Variants in ARHGAP24 observed in about 807,000 individuals in gnomAD.
The protein encoded by ARHGAP24 is rho GTPase-activating protein 24.
Under a neutral mutation model 76.4 loss-of-function variants are expected in ARHGAP24, and 50 were observed. The ratio of observed to expected loss-of-function variants is 0.65; its 90% confidence interval spans 0.52 to 0.83. The LOEUF (loss-of-function observed/expected upper bound fraction) is 0.83. Among genes scored for constraint, ARHGAP24 ranks in the 40% least tolerant of loss-of-function variants. The probability of loss-of-function intolerance (pLI) is 0.00; values close to 1 mark genes in which losing one functional copy is unlikely to be tolerated. For synonymous variants in ARHGAP24, 345 were observed against 323.3 expected, an observed-to-expected ratio of 1.07 and a Z score of -0.72; for missense variants, 930 against 914.2, an observed-to-expected ratio of 1.02 and a Z score of -0.22.
At chr4:85,724,485 ATG>A (rs573537210) in intron 3 of ARHGAP24, among the ~76,000 whole-genome samples, 23,365 of 45,562 alleles carry the variant, frequency 0.51, 3,145 homozygotes, top group East Asian at 0.73. Context: ...TAATTTTTCC[ATG>A]TGTGTATATA....
intron 2 of ARHGAP24, among the ~76,000 whole-genome samples, chr4:85,653,125 A>ACAGT (rs1722007673): frequency 6.6e-6 from 1 of 152,224 alleles, no homozygotes; most frequent in Non-Finnish European, 1.5e-5. Flanking sequence ...AAAACAAGGT[A>ACAGT]CAGTCAGATA....
At chr4:85,521,908 TAGAA>T (rs1349219141) in intron 1 of ARHGAP24, among the ~76,000 whole-genome samples, 1 of 152,136 alleles carries the variant, frequency 6.6e-6, no homozygotes, top group Non-Finnish European at 1.5e-5. Context: ...GCTGGTATGT[TAGAA>T]AGAATTTCAG....
intron 2 of ARHGAP24, among the ~76,000 whole-genome samples, chr4:85,685,999 G>T (rs369141463): frequency 2.0e-5 from 3 of 151,440 alleles, no homozygotes; most frequent in South Asian, 4.1e-4. Flanking sequence ...TGGCACTTTG[G>T]TGCAGGCAGC....
At chr4:85,583,848 C>T (rs1425889991) in intron 2 of ARHGAP24, among the ~76,000 whole-genome samples, 9 of 148,152 alleles carry the variant, frequency 6.1e-5, no homozygotes, top group African/African-American at 1.2e-4. Context: ...AAAATGCTCA[C>T]CATCACTGGC....
At chr4:85,722,329 G>A in intron 3 of ARHGAP24, 9 of 174,354 alleles carry the variant, frequency 5.2e-5, no homozygotes, top group South Asian at 3.8e-4. Flanking sequence ...TTGCCCAGTG[G>A]AATCACTGAC....
chr4:85,995,268 G>A lies in ARHGAP24; in HGVS notation c.1614G>A (p.Gln538=). The change falls in exon 9 of 10, where the codon CAG becomes CAA. Residue 538 remains glutamine, a synonymous_variant. Coordinates refer to ENST00000395184, the MANE Select transcript of ARHGAP24 (RefSeq NM_001025616.3). ...RLSTYDNVHQ[Q]FSMMNLDDKQ... is the part of the protein sequence containing the mutation. Reference sequence around the variant, plus strand: ...CCACCTATGATAATGTCCATCAACAGTTCTCCATGATGAACCTTGATGACA... The same window carrying A: ...CCACCTATGATAATGTCCATCAACAATTCTCCATGATGAACCTTGATGACA... 1 of 1,614,024 alleles carries A rather than the reference G, an allele frequency of 6.2e-7. No individual in the cohort carries two copies. Among genetic ancestry groups the A allele is most frequent in the South Asian group, 1.1e-5 (1 of 91,072 alleles).
chr4:85,702,503 A>G (rs1346552075), intron 2 of ARHGAP24, among the ~76,000 whole-genome samples: 3 of 152,176 alleles, frequency 2.0e-5, no homozygotes, highest in Admixed American at 1.3e-4. Context: ...TGTTTTTGAA[A>G]TCTTTTCATA....
intron 1 of ARHGAP24, among the ~76,000 whole-genome samples, chr4:85,555,704 G>A (rs535850158): frequency 1.3e-5 from 2 of 152,282 alleles, no homozygotes; most frequent in Admixed American, 1.3e-4. Context: ...CTTGCCATGG[G>A]TAGGGACATG....
At chr4:85,536,116 T>C (rs548622710) in intron 1 of ARHGAP24, among the ~76,000 whole-genome samples, 1 of 152,010 alleles carries the variant, frequency 6.6e-6, no homozygotes, top group Non-Finnish European at 1.5e-5. Context: ...TTGAGTGATA[T>C]AATCAGAATC....
rs1010338786 is a variant in ARHGAP24, at chr4:85,879,860, A to C, written c.269-43788A>C. 2.4e-4 allele frequency among the ~76,000 whole-genome samples: 37 copies of C among 152,076 alleles called. 1 individual carries two copies. Among genetic ancestry groups the C allele is most frequent in the Admixed American group, 2.4e-3 (37 of 15,264 alleles). Reference sequence around the variant, plus strand: ...CAGTTTTTTCATAGATTGCAGGGAGAGGCGGGGAGGGATGTGGAACGGCTT... The same window carrying C: ...CAGTTTTTTCATAGATTGCAGGGAGCGGCGGGGAGGGATGTGGAACGGCTT... On this transcript the variant is annotated intron_variant, in intron 3 of 9. Transcript: ENST00000395184.
At chr4:85,520,509 C>T (rs1724696977) in intron 1 of ARHGAP24, among the ~76,000 whole-genome samples, 1 of 152,118 alleles carries the variant, frequency 6.6e-6, no homozygotes, top group African/African-American at 2.4e-5. Context: ...GCCAATAACT[C>T]AGTGCATATT....
intron 3 of ARHGAP24, among the ~76,000 whole-genome samples, chr4:85,897,000 A>C (rs1442555853): frequency 2.0e-5 from 3 of 151,914 alleles, no homozygotes; most frequent in Non-Finnish European, 4.4e-5. Flanking sequence ...CAACTTTTTC[A>C]CCTTGGGCAT....
intron 2 of ARHGAP24, among the ~76,000 whole-genome samples, chr4:85,628,478 G>T (rs972670713): frequency 2.6e-5 from 4 of 152,162 alleles, no homozygotes; most frequent in Non-Finnish European, 4.4e-5. Flanking sequence ...TACGGCTACT[G>T]TTGGATGGGA....
At position 85,814,784 on chromosome 4, in the gene ARHGAP24, C is replaced by G. The variant is rs563905020; in HGVS notation, c.268+92812C>G. On this transcript the variant is annotated intron_variant, in intron 3 of 9. Coordinates refer to ENST00000395184, the MANE Select transcript of ARHGAP24 (RefSeq NM_001025616.3). ...TCTTCTCATAGCTCTTCTCATAGCT[C>G]CACTAGGAGGTACCCCAGTAGGGAC... 4.6e-5 allele frequency among the ~76,000 whole-genome samples: 7 copies of G among 152,264 alleles called. No individual in the cohort carries two copies. In the South Asian group the frequency reaches 1.0e-3, roughly 23 times the overall value.
At chr4:85,813,627 TTTTA>T (rs928905730) in intron 3 of ARHGAP24, among the ~76,000 whole-genome samples, 2 of 151,806 alleles carry the variant, frequency 1.3e-5, no homozygotes, top group African/African-American at 4.8e-5. Context: ...GAAAAAATAA[TTTTA>T]TTTGATTTTT....
intron 5 of ARHGAP24, among the ~76,000 whole-genome samples, chr4:85,943,499 G>C (rs1392837211): frequency 2.0e-5 from 3 of 152,066 alleles, no homozygotes; most frequent in Non-Finnish European, 4.4e-5. Context: ...TGGGATACAT[G>C]AGCAGAACGT....
chr4:85,767,618 T>A (rs1166100845), intron 3 of ARHGAP24, among the ~76,000 whole-genome samples: 1 of 150,784 alleles, frequency 6.6e-6, no homozygotes, highest in Non-Finnish European at 1.5e-5. Flanking sequence ...ATGATACCTG[T>A]TCTTTGGCAT....
rs188341796 is a variant in ARHGAP24 at position 85,614,517 on chromosome 4, A to C, written c.180+43796A>C. Among the ~76,000 whole-genome samples, 228 of 152,284 alleles carry C rather than the reference A, an allele frequency of 1.5e-3. 2 individuals carry two copies. Among genetic ancestry groups the C allele is most frequent in the African/African-American group, 5.0e-3 (209 of 41,584 alleles). ...CCTATGTATTATAATAGCTGCTTTA[A>C]GCTTTACATTTGTTGACTCTTAAAA... On this transcript the variant is annotated intron_variant, in intron 2 of 9. Coordinates refer to ENST00000395184, the MANE Select transcript of ARHGAP24 (RefSeq NM_001025616.3).
At chr4:85,930,361 T>C (rs1736260438) in intron 4 of ARHGAP24, 1 of 986,596 alleles carries the variant, frequency 1.0e-6, no homozygotes, top group Non-Finnish European at 1.2e-6. Context: ...GGGGGTCCTT[T>C]GAAAGAAATC....
Sources: gnomAD v4.1 joint callset for allele counts (sites outside exome capture counted in the v4.1 genomes callset) on GRCh38, gnomAD v4.1.1 for gene constraint, MANE v1.5 for transcripts, NCBI Gene and HGNC (gene_info 2026-07-23, HGNC 2026-07-21) for gene names.